LRBA: variants seen among roughly 807,000 people sequenced by gnomAD.
LRBA encodes the protein LPS responsive beige-like anchor protein.
In LRBA, 176 loss-of-function variants were observed where a neutral mutation model predicts 330.0. The ratio of observed to expected loss-of-function variants is 0.53; its 90% confidence interval spans 0.47 to 0.60. LRBA has a LOEUF of 0.60. LRBA is among the 20% of genes least tolerant of loss of function. The pLI is 0.00. For synonymous variants in LRBA, 1,230 were observed against 1,193.0 expected, an observed-to-expected ratio of 1.03 and a Z score of -0.64; for missense variants, 3,259 against 3,444.8, an observed-to-expected ratio of 0.95 and a Z score of 1.35.
At chr4:150,607,018 A>T (rs1021957752) in intron 37 of LRBA, among the ~76,000 whole-genome samples, 2 of 152,252 alleles carry the variant, frequency 1.3e-5, no homozygotes, top group African/African-American at 4.8e-5. Context: ...AAAAGGCACT[A>T]TAAGCCAAGA....
chr4:150,812,715 A>G (rs1743923941), intron 31 of LRBA, among the ~76,000 whole-genome samples: 2 of 152,212 alleles, frequency 1.3e-5, no homozygotes, highest in Non-Finnish European at 2.9e-5. Flanking sequence ...TCTGATAAAC[A>G]GATACTGTCT....
intron 40 of LRBA, among the ~76,000 whole-genome samples, chr4:150,543,171 T>C (rs553405705): frequency 1.4e-4 from 22 of 152,314 alleles, no homozygotes; most frequent in Non-Finnish European, 1.8e-4. Flanking sequence ...TGTTGGGACT[T>C]GAAAAGGCCA....
chr4:150,615,420 GGA>G (rs1283549194), intron 37 of LRBA, among the ~76,000 whole-genome samples: 2 of 151,970 alleles, frequency 1.3e-5, no homozygotes, highest in East Asian at 1.9e-4. Context: ...CAATAATCCA[GGA>G]GAGAGAGACG....
chr4:150,530,821 G>C (rs1763985684), intron 40 of LRBA, among the ~76,000 whole-genome samples: 1 of 152,060 alleles, frequency 6.6e-6, no homozygotes, highest in African/African-American at 2.4e-5. Flanking sequence ...CTTGTATTAG[G>C]TACTTTACAA....
intron 37 of LRBA, among the ~76,000 whole-genome samples, chr4:150,605,822 C>T (rs1213694545): frequency 6.6e-6 from 1 of 152,010 alleles, no homozygotes; most frequent in Non-Finnish European, 1.5e-5. Context: ...CTCTGTTTAC[C>T]AAGTACCAAC....
intron 36 of LRBA, among the ~76,000 whole-genome samples, chr4:150,706,607 A>G (rs1785648277): frequency 6.6e-6 from 1 of 151,640 alleles, no homozygotes; most frequent in South Asian, 2.1e-4. Flanking sequence ...AACAAAAAAA[A>G]AAAATTTAAC....
Position 150,849,454 on chromosome 4 carries a change from G to A in LRBA, c.4126C>T (p.Leu1376=). ...DNMVMACGGI[L]PLLSAATSAT... is the part of the protein sequence containing the mutation. ...GATGTAGCAGCTGAAAGCAATGGCAGTATACCCCCACAAGCCATGACCATA... is the reference window on the plus strand; with the variant it reads ...GATGTAGCAGCTGAAAGCAATGGCAATATACCCCCACAAGCCATGACCATA... Residue 1376 remains leucine (L), a synonymous_variant, in exon 25 of 57, where the codon CTG becomes TTG. Transcript: ENST00000651943. 6.2e-7 allele frequency: 1 copy of A among 1,613,926 alleles called. No homozygotes were observed. The highest frequency in any genetic ancestry group is 8.5e-7 in the Non-Finnish European group (1 of 1,179,840).
chr4:150,392,343 C>T (rs775667999), intron 47 of LRBA, among the ~76,000 whole-genome samples: 17 of 152,124 alleles, frequency 1.1e-4, no homozygotes, highest in Non-Finnish European at 1.8e-4. Flanking sequence ...CTCACTAGTT[C>T]CTCTCACATA....
intron 35 of LRBA, among the ~76,000 whole-genome samples, chr4:150,757,316 A>C (rs893453720): frequency 6.6e-6 from 1 of 152,212 alleles, no homozygotes; most frequent in Non-Finnish European, 1.5e-5. Context: ...CCTTGATCAT[A>C]GCTAGAACAA....
chr4:150,470,115 G>A (rs539154120), intron 43 of LRBA, among the ~76,000 whole-genome samples: 10 of 152,196 alleles, frequency 6.6e-5, no homozygotes, highest in South Asian at 2.1e-4. Flanking sequence ...CCTGGGAGGC[G>A]GAGGTTGCAG....
intron 46 of LRBA, among the ~76,000 whole-genome samples, chr4:150,419,975 G>A (rs1018122982): frequency 1.3e-5 from 2 of 149,984 alleles, no homozygotes; most frequent in Non-Finnish European, 3.0e-5. Flanking sequence ...CGTGGCTAAG[G>A]CCTGTAATCC....
intron 44 of LRBA, among the ~76,000 whole-genome samples, chr4:150,447,149 G>A (rs1470727337): frequency 6.6e-6 from 1 of 152,094 alleles, no homozygotes; most frequent in African/African-American, 2.4e-5. Context: ...CAGTTTATAA[G>A]TTACTACCTT....
intron 44 of LRBA, among the ~76,000 whole-genome samples, chr4:150,460,513 CAG>C (rs1429851122): frequency 1.3e-5 from 2 of 151,806 alleles, no homozygotes; most frequent in Admixed American, 6.6e-5. Flanking sequence ...GCTAGGTTAA[CAG>C]AGTGTGAATA....
intron 2 of LRBA, among the ~76,000 whole-genome samples, chr4:150,969,867 T>C (rs1038198702): frequency 1.3e-5 from 2 of 152,208 alleles, no homozygotes; most frequent in African/African-American, 4.8e-5. Context: ...ATTTAGTTGA[T>C]AACGCAGTAG....
chr4:150,916,763 T>A, intron 5 of LRBA, 25 bp from the exon 6 acceptor site: 2 of 1,507,630 alleles, frequency 1.3e-6, no homozygotes, highest in South Asian at 1.4e-5. Flanking sequence ...CTTTGAGTTA[T>A]TAACTCACGT....
intron 28 of LRBA, among the ~76,000 whole-genome samples, chr4:150,838,421 G>A (rs1748504692): frequency 6.6e-6 from 1 of 152,122 alleles, no homozygotes; most frequent in Admixed American, 6.6e-5. Context: ...ATCACTTTCA[G>A]GTACACCAAT....
At position 150,908,576 on chromosome 4, in the gene LRBA, T is replaced by C. The variant is rs73859292; in HGVS notation, c.1359+84A>G. On this transcript the variant is annotated intron_variant, in intron 10 of 56. Coordinates refer to ENST00000651943, the MANE Select transcript of LRBA (RefSeq NM_001364905.1). Reference sequence around the variant, plus strand: ...AACACTATAAACGTGACATTCCATGTGTTTAACAGAAGCTACCAAATACAT... The same window carrying C: ...AACACTATAAACGTGACATTCCATGCGTTTAACAGAAGCTACCAAATACAT... 4.7e-3 allele frequency: 6,677 copies of C among 1,435,162 alleles called. 261 individuals are homozygous for C. The African/African-American group carries it at 0.085, about 18-fold the overall frequency. 88.9% of individuals were successfully genotyped at this position (1,435,162 alleles called of 1,614,324 possible). A position where few individuals can be genotyped will look rare whatever the true frequency, so the allele number is the denominator to read the frequency against.
Position 150,584,023 on chromosome 4 carries a change from C to T in LRBA, c.6330+4025G>A, listed in dbSNP as rs1399984889. 6 of 1,613,636 alleles carry T rather than the reference C, an allele frequency of 3.7e-6. No homozygotes were observed. In the Admixed American group the frequency reaches 1.0e-4, roughly 27 times the overall value. ...CCTCGACCTCTTTCAGGGCAAGCCC[C>T]ATTCGGCCCTGGAGAGCGCTGCCAA... On this transcript the variant is annotated intron_variant, in intron 40 of 56. Transcript: ENST00000651943.
chr4:150,506,292 C>G (rs1382174326), intron 40 of LRBA, among the ~76,000 whole-genome samples: 3 of 152,140 alleles, frequency 2.0e-5, no homozygotes, highest in Non-Finnish European at 4.4e-5. Flanking sequence ...AATTTTAGAC[C>G]AATATCCTTG....
Sources: gnomAD v4.1 joint callset for allele counts (sites outside exome capture counted in the v4.1 genomes callset) on GRCh38, gnomAD v4.1.1 for gene constraint, MANE v1.5 for transcripts, NCBI Gene and HGNC (gene_info 2026-07-23, HGNC 2026-07-21) for gene names.